Variants in FBN2 observed in about 807,000 individuals in gnomAD.
The protein encoded by FBN2 is fibrillin-2.
FBN2 carries 105 observed loss-of-function variants against 355.6 expected under a neutral mutation model. That is an observed-to-expected ratio of 0.30 (90% CI 0.25 to 0.35). The LOEUF is 0.35. Among genes scored for constraint, FBN2 ranks in the 10% least tolerant of loss-of-function variants. FBN2 has a pLI of 1.00. For synonymous variants in FBN2, 1,350 were observed against 1,301.2 expected (o/e 1.04, Z -0.81); for missense variants, 3,280 against 3,758.7 (o/e 0.87, Z 3.33).
chr5:128,303,776 G>A (rs1308303816), intron 45 of FBN2, among the ~76,000 whole-genome samples: 3 of 152,096 alleles, frequency 2.0e-5, no homozygotes, highest in Admixed American at 6.6e-5. Flanking sequence ...TATCATGGAA[G>A]AATTGTTATG....
chr5:128,467,267 A>G (rs1203175701), intron 5 of FBN2, among the ~76,000 whole-genome samples: 1 of 152,058 alleles, frequency 6.6e-6, no homozygotes, highest in African/African-American at 2.4e-5. Context: ...AATTAAGGCA[A>G]CCTTCCACTT....
In FBN2 at chr5:128,286,766, T is replaced by C. The variant is rs756500246; in HGVS notation, c.6964A>G (p.Ile2322Val). The change falls in exon 55 of 65, where the codon ATC (isoleucine) becomes GTC (valine). Residue 2322 changes from isoleucine to valine, a missense_variant. Coordinates refer to ENST00000262464, the MANE Select transcript of FBN2 (RefSeq NM_001999.4). Reference protein sequence around the residue: ...CKNLIGTFMCICPPGMARRPD... With the variant: ...CKNLIGTFMCVCPPGMARRPD... ...CTTCGGGCCATTCCAGGAGGGCAGATGCACATGAAGGTGCCGATTAGATTC... is the reference window on the plus strand; with the variant it reads ...CTTCGGGCCATTCCAGGAGGGCAGACGCACATGAAGGTGCCGATTAGATTC... The C allele has an allele frequency of 4.7e-5, 76 of 1,614,058 alleles. No individual in the cohort carries two copies. The South Asian group carries it at 7.4e-4, about 16-fold the overall frequency.
chr5:128,272,099 C>G lies in FBN2; in HGVS notation c.7860G>C (p.Gly2620=). 6.2e-7 allele frequency: 1 copy of G among 1,613,988 alleles called. No individual in the cohort carries two copies. The part of the protein sequence containing the change: ...LNCEDVDECD[G]NHRCQHGCQN... ...GGCAGCCGTGTTGGCACCTGTGGTT[C>G]CCATCACATTCATCAACATCTGCAA... is the stretch of plus-strand genomic sequence containing the variant. The change falls in exon 62 of 65, where the codon GGG becomes GGC. Residue 2620 remains glycine (G), a synonymous_variant. Transcript: ENST00000262464.
At chr5:128,404,066 C>T (rs1007264104) in intron 8 of FBN2, among the ~76,000 whole-genome samples, 9 of 152,158 alleles carry the variant, frequency 5.9e-5, no homozygotes, top group Admixed American at 1.3e-4. Context: ...GCAGATAACA[C>T]GCAGTTTAGT....
rs863223616 is a variant in FBN2 at position 128,446,528 on chromosome 5, C to G, written c.905G>C (p.Arg302Thr). 8.1e-6 allele frequency: 13 copies of G among 1,614,010 alleles called. No homozygotes were observed. Among genetic ancestry groups the G allele is most frequent in the Non-Finnish European group, 1.1e-5 (13 of 1,179,890 alleles). The change falls in exon 7 of 65, where the codon AGA becomes ACA. Residue 302 changes from arginine to threonine, a missense_variant. Transcript: ENST00000262464. Reference protein sequence around the residue: ...CINTVGSFECRCPAGHKQSET... With the variant: ...CINTVGSFECTCPAGHKQSET... Reference sequence around the variant, plus strand: ...ACTCTGTTTGTGACCAGCAGGGCATCTGCATTCAAAAGAGCCCACTGTATT... The same window carrying G: ...ACTCTGTTTGTGACCAGCAGGGCATGTGCATTCAAAAGAGCCCACTGTATT...
intron 5 of FBN2, among the ~76,000 whole-genome samples, chr5:128,467,108 A>T (rs1407538464): frequency 1.3e-5 from 2 of 152,182 alleles, no homozygotes; most frequent in Non-Finnish European, 2.9e-5. Flanking sequence ...CCAAATTCAT[A>T]AATAAACCAA....
chr5:128,497,640 T>C (rs1288365195), intron 5 of FBN2, among the ~76,000 whole-genome samples: 1 of 152,176 alleles, frequency 6.6e-6, no homozygotes, highest in African/African-American at 2.4e-5. Flanking sequence ...GGCAATAAAG[T>C]GTTTTTAAAA....
At chr5:128,478,666 T>G (rs1755069096) in intron 5 of FBN2, among the ~76,000 whole-genome samples, 1 of 152,160 alleles carries the variant, frequency 6.6e-6, no homozygotes, top group South Asian at 2.1e-4. Flanking sequence ...TGAGTTTAGA[T>G]CCAGAAATAT....
At chr5:128,434,394 GTATATATATATAT>G (rs1753716184) in intron 7 of FBN2, among the ~76,000 whole-genome samples, 1 of 91,678 alleles carries the variant, frequency 1.1e-5, no homozygotes, top group Non-Finnish European at 2.1e-5. Flanking sequence ...AATAAAGTGT[GTATATATATATAT>G]ATATATATAT....
At chr5:128,513,131 A>G (rs1180357419) in intron 5 of FBN2, among the ~76,000 whole-genome samples, 1 of 152,182 alleles carries the variant, frequency 6.6e-6, no homozygotes, top group African/African-American at 2.4e-5. Context: ...TGCTTAACAC[A>G]TTATTGCTTT....
intron 5 of FBN2, among the ~76,000 whole-genome samples, chr5:128,473,476 G>A (rs1203536527): frequency 6.6e-6 from 1 of 152,028 alleles, no homozygotes; most frequent in Non-Finnish European, 1.5e-5. Flanking sequence ...TAAATTAAAA[G>A]TCACAGATTA....
At chr5:128,505,846 T>G (rs1445448725) in intron 5 of FBN2, among the ~76,000 whole-genome samples, 1 of 152,206 alleles carries the variant, frequency 6.6e-6, no homozygotes, top group African/African-American at 2.4e-5. Context: ...ATGCACTGTA[T>G]GAATATACAA....
intron 48 of FBN2, among the ~76,000 whole-genome samples, chr5:128,296,820 T>C (rs1181500231): frequency 6.6e-6 from 1 of 152,130 alleles, no homozygotes; most frequent in Non-Finnish European, 1.5e-5. Flanking sequence ...TGAAGGGTTT[T>C]TTGTGTCTCT....
intron 34 of FBN2, among the ~76,000 whole-genome samples, chr5:128,325,613 T>C (rs1750522670): frequency 6.6e-6 from 1 of 152,242 alleles, no homozygotes; most frequent in Admixed American, 6.5e-5. Flanking sequence ...TTAGGCTTTG[T>C]ATATTCAGTT....
chr5:128,402,042 C>T (rs180701659), intron 8 of FBN2, among the ~76,000 whole-genome samples: 5 of 152,246 alleles, frequency 3.3e-5, no homozygotes, highest in Admixed American at 2.0e-4. Context: ...TGTAGCATCT[C>T]ACAGTTAAGG....
chr5:128,413,446 A>C (rs938261508), intron 7 of FBN2, among the ~76,000 whole-genome samples: 32 of 152,132 alleles, frequency 2.1e-4, no homozygotes, highest in Middle Eastern at 3.2e-3. Flanking sequence ...TTCAAAGGGC[A>C]AAAAAAGAGA....
chr5:128,355,972 C>T (rs1751489192), intron 20 of FBN2, among the ~76,000 whole-genome samples: 1 of 152,200 alleles, frequency 6.6e-6, no homozygotes, highest in Non-Finnish European at 1.5e-5. Context: ...GAGGCAAAAA[C>T]TATCTTTGAT....
chr5:128,355,689 C>T (rs1025514934), intron 20 of FBN2, among the ~76,000 whole-genome samples: 4 of 152,066 alleles, frequency 2.6e-5, no homozygotes, highest in African/African-American at 9.7e-5. Context: ...TCTTTTTCAA[C>T]TAGATTCTCT....
chr5:128,368,551 G>GT, intron 16 of FBN2, among the ~76,000 whole-genome samples: 1 of 149,826 alleles, frequency 6.7e-6, no homozygotes, highest in African/African-American at 2.4e-5. Context: ...CTTGAAAGTG[G>GT]TAAGTAAATT....
Sources: allele counts gnomAD v4.1 joint callset (sites outside exome capture counted in the v4.1 genomes callset), GRCh38; gene constraint gnomAD v4.1.1; transcripts MANE v1.5; gene names NCBI Gene and HGNC (gene_info 2026-07-23, HGNC 2026-07-21).